The following ABHD12 variants were observed in gnomAD, a reference collection of about 807,000 sequenced individuals.
The protein encoded by ABHD12 is lysophosphatidylserine lipase ABHD12.
In ABHD12, 43 loss-of-function variants were observed where a neutral mutation model predicts 58.3. That is an observed-to-expected ratio of 0.74 (90% CI 0.58 to 0.95). The LOEUF (loss-of-function observed/expected upper bound fraction) is 0.95. Among genes scored for constraint, ABHD12 ranks in the 40% least tolerant of loss-of-function variants. The pLI is 0.00. For synonymous variants in ABHD12, 219 were observed against 211.2 expected, an observed-to-expected ratio of 1.04 and a Z score of -0.32; for missense variants, 539 against 537.2, an observed-to-expected ratio of 1.00 and a Z score of -0.03.
rs1396131444 is a variant in ABHD12, at chr20:25,390,798, G to A, written c.-95C>T. ...GCCGCCACCCAGAGCCCGGAGCCCG[G>A]AACCCGCCGCTCCTCACATCCCAGC... On this transcript the variant is annotated 5_prime_UTR_variant, in exon 1 of 13. Transcript: ENST00000339157. The A allele has an allele frequency of 1.2e-6, 1 of 857,548 alleles. No homozygotes were observed. The highest frequency in any genetic ancestry group is 1.5e-6 in the Non-Finnish European group (1 of 661,680). 53.1% of individuals were successfully genotyped at this position (857,548 alleles called of 1,614,324 possible).
At chr20:25,342,923 C>T (rs190297063) in intron 1 of ABHD12, among the ~76,000 whole-genome samples, 59 of 152,102 alleles carry the variant, frequency 3.9e-4, no homozygotes, top group Non-Finnish European at 7.5e-4. Context: ...CCCTGAGTAG[C>T]TGGGGCTGTT....
chr20:25,336,589 C>G (rs1210473434), intron 2 of ABHD12, among the ~76,000 whole-genome samples: 2 of 152,174 alleles, frequency 1.3e-5, no homozygotes, highest in Non-Finnish European at 2.9e-5. Context: ...CAACAAAATT[C>G]CAAATCACTG....
At chr20:25,373,754 A>C (rs2089927373) in intron 1 of ABHD12, among the ~76,000 whole-genome samples, 1 of 151,756 alleles carries the variant, frequency 6.6e-6, no homozygotes, top group South Asian at 2.1e-4. Flanking sequence ...CATGTTTCTT[A>C]TGCAGGAGAT....
rs180898935 is a variant in ABHD12, at chr20:25,302,705, A to G, written c.1030-359T>C. Among the ~76,000 whole-genome samples the G allele has an allele frequency of 2.6e-3, 389 of 152,362 alleles. 10 individuals carry two copies. In the East Asian group the frequency reaches 0.044, roughly 17 times the overall value. Reference sequence around the variant, plus strand: ...AAGGTATGTGCCTCAGGCTTAGCTAAGATGGGCTTGATGTACCCATCTCAG... The same window carrying G: ...AAGGTATGTGCCTCAGGCTTAGCTAGGATGGGCTTGATGTACCCATCTCAG... On this transcript the variant is annotated intron_variant, in intron 11 of 12. Coordinates refer to ENST00000339157, the MANE Select transcript of ABHD12 (RefSeq NM_001042472.3).
downstream of ABHD12, chr20:25,296,580 C>T: frequency 1.3e-6 from 2 of 1,553,338 alleles, no homozygotes; most frequent in Non-Finnish European, 1.7e-6. Context: ...CTTTGCACCT[C>T]CTTTTTTCCC....
chr20:25,307,944 T>G, intron 9 of ABHD12, 22 bp downstream of exon 9: 3 of 1,401,920 alleles, frequency 2.1e-6, no homozygotes, highest in Non-Finnish European at 3.0e-6. Flanking sequence ...AAAAGTTAAT[T>G]TTTAATAAAA....
chr20:25,330,087 C>T (rs551537340), intron 2 of ABHD12, among the ~76,000 whole-genome samples: 107 of 152,326 alleles, frequency 7.0e-4, no homozygotes, highest in African/African-American at 2.4e-3. Context: ...AGACAGTGGG[C>T]GCAGGTCAGT....
At chr20:25,371,014 C>CTA (rs1037475317) in intron 1 of ABHD12, among the ~76,000 whole-genome samples, 5 of 152,040 alleles carry the variant, frequency 3.3e-5, no homozygotes, top group African/African-American at 1.2e-4. Context: ...TGTTCTGCCT[C>CTA]TACTGTTCTA....
Position 25,390,562 on chromosome 20 carries a change from C to T in ABHD12, c.142G>A (p.Ala48Thr). The T allele has an allele frequency of 1.4e-6, 2 of 1,479,272 alleles. No individual in the cohort carries two copies. The highest frequency in any genetic ancestry group is 1.5e-5 in the African/African-American group (1 of 68,330). 91.6% of individuals were successfully genotyped at this position (1,479,272 alleles called of 1,614,324 possible). A position where few individuals can be genotyped will look rare whatever the true frequency, so the allele number is the denominator to read the frequency against. The change falls in exon 1 of 13, where the codon GCT becomes ACT. Residue 48 changes from alanine to threonine, a missense_variant. Coordinates refer to ENST00000339157, the MANE Select transcript of ABHD12 (RefSeq NM_001042472.3). ...QNLRLTGPAAAEPRCAADAGM... is the reference protein window; with the variant it reads ...QNLRLTGPAATEPRCAADAGM... ...GCGTCGGCTGCGCAGCGCGGCTCAG[C>T]CGCCGCCGGGCCCGTCAGGCGTAGG...
chr20:25,364,191 A>G (rs1305438136), intron 1 of ABHD12, among the ~76,000 whole-genome samples: 1 of 152,212 alleles, frequency 6.6e-6, no homozygotes, highest in Non-Finnish European at 1.5e-5. Flanking sequence ...TTCACTTTTT[A>G]TTCAAACAAA....
At chr20:25,375,864 T>C (rs2089956239) in intron 1 of ABHD12, among the ~76,000 whole-genome samples, 1 of 152,060 alleles carries the variant, frequency 6.6e-6, no homozygotes, top group Non-Finnish European at 1.5e-5. Context: ...GGCTCACACC[T>C]GTAATCCCAG....
rs2088648868 is a variant in ABHD12 at position 25,302,222 on chromosome 20, A to G, written c.1154T>C (p.Leu385Pro). The change falls in exon 12 of 13, where the codon CTG becomes CCG. Residue 385 changes from leucine (L) to proline (P), a missense_variant. Transcript: ENST00000339157. Reference sequence around the variant, plus strand: ...GGGTGGGAAGAGAATGTCTCACCTCAGTATCCGTGGCAGCTCAGGGCTCTT... The same window carrying G: ...GGGTGGGAAGAGAATGTCTCACCTCGGTATCCGTGGCAGCTCAGGGCTCTT... ...IYKSPELPRI[L>P]REFLGKSEPE... The G allele has an allele frequency of 6.2e-7, 1 of 1,613,252 alleles. No individual in the cohort carries two copies. Among genetic ancestry groups the G allele is most frequent in the Non-Finnish European group, 8.5e-7 (1 of 1,179,914 alleles).
At chr20:25,354,095 CG>C (rs2089637620) in intron 1 of ABHD12, among the ~76,000 whole-genome samples, 1 of 152,108 alleles carries the variant, frequency 6.6e-6, no homozygotes, top group Non-Finnish European at 1.5e-5. Flanking sequence ...TCTTTAAGGA[CG>C]GGGAGGTTCT....
chr20:25,350,574 G>A (rs529627302), intron 1 of ABHD12, among the ~76,000 whole-genome samples: 2 of 152,338 alleles, frequency 1.3e-5, no homozygotes, highest in East Asian at 3.9e-4. Flanking sequence ...CCCCAGCCAT[G>A]TGGAACTGTG....
At chr20:25,327,935 G>A (rs974988447) in intron 2 of ABHD12, among the ~76,000 whole-genome samples, 1 of 152,014 alleles carries the variant, frequency 6.6e-6, no homozygotes, top group Non-Finnish European at 1.5e-5. Context: ...CCCAAGAACC[G>A]ACTCAGCGCA....
intron 1 of ABHD12, among the ~76,000 whole-genome samples, chr20:25,359,280 C>T (rs888413562): frequency 6.0e-5 from 9 of 150,482 alleles, no homozygotes; most frequent in Non-Finnish European, 1.0e-4. Context: ...AAAAATTAGC[C>T]GGGCGTGATG....
chr20:25,353,318 C>T (rs1299049256), intron 1 of ABHD12, among the ~76,000 whole-genome samples: 1 of 150,164 alleles, frequency 6.7e-6, no homozygotes, highest in Non-Finnish European at 1.5e-5. Context: ...AAAGTTAATT[C>T]CCAAAGTGTG....
chr20:25,319,006 C>T (rs1248680544), intron 4 of ABHD12, among the ~76,000 whole-genome samples: 2 of 152,192 alleles, frequency 1.3e-5, no homozygotes, highest in Non-Finnish European at 2.9e-5. Context: ...CACAGCTCTC[C>T]TTGCTGGCTC....
chr20:25,337,515 A>G (rs180745072), intron 2 of ABHD12, among the ~76,000 whole-genome samples: 11 of 152,372 alleles, frequency 7.2e-5, no homozygotes, highest in Non-Finnish European at 1.3e-4. Context: ...GTGTGTCTAC[A>G]GTAGCCCAAA....
Sources: gnomAD v4.1 joint callset for allele counts (sites outside exome capture counted in the v4.1 genomes callset) on GRCh38, gnomAD v4.1.1 for gene constraint, MANE v1.5 for transcripts, NCBI Gene and HGNC (gene_info 2026-07-23, HGNC 2026-07-21) for gene names.